ITGA9: variants seen among roughly 807,000 people sequenced by gnomAD.
The protein encoded by ITGA9 is integrin alpha-9.
Under a neutral mutation model 127.8 loss-of-function variants are expected in ITGA9, and 56 were observed. The ratio of observed to expected loss-of-function variants is 0.44; its 90% CI spans 0.35 to 0.55. ITGA9 has a LOEUF of 0.55. Among genes scored for constraint, ITGA9 ranks in the 20% least tolerant of loss-of-function variants. The probability of loss-of-function intolerance (pLI) is 0.00; values close to 1 mark genes in which losing one functional copy is unlikely to be tolerated. For missense variants in ITGA9, 1,196 were observed against 1,347.1 expected (o/e 0.89, Z 1.76); for synonymous variants, 508 against 514.5 (o/e 0.99, Z 0.17).
intron 18 of ITGA9, among the ~76,000 whole-genome samples, chr3:37,707,982 T>C (rs909178954): frequency 6.6e-5 from 10 of 152,150 alleles, no homozygotes; most frequent in African/African-American, 2.2e-4. Context: ...TCAAAGGTGT[T>C]CCCATTTGTT....
intron 1 of ITGA9, among the ~76,000 whole-genome samples, chr3:37,466,276 A>G (rs2125550384): frequency 6.6e-6 from 1 of 152,174 alleles, no homozygotes; most frequent in Middle Eastern, 3.4e-3. Flanking sequence ...TGAGGTCAGA[A>G]GTTCAAGACC....
At chr3:37,699,542 C>A (rs375937974) in intron 18 of ITGA9, among the ~76,000 whole-genome samples, 3 of 152,210 alleles carry the variant, frequency 2.0e-5, no homozygotes, top group African/African-American at 7.2e-5. Flanking sequence ...TCGTCTTTTG[C>A]CTCATTATTG....
At chr3:37,671,801 A>G (rs903028977) in intron 17 of ITGA9, among the ~76,000 whole-genome samples, 3 of 152,196 alleles carry the variant, frequency 2.0e-5, no homozygotes, top group African/African-American at 4.8e-5. Flanking sequence ...AGGGATTTCT[A>G]AAGCATGATG....
rs549749284 is a variant in ITGA9 at position 37,576,190 on chromosome 3, T to C, written c.1689+33605T>C. On this transcript the variant is annotated intron_variant, in intron 15 of 27. Transcript: ENST00000264741. ...CATCCTCCAGGGAGGACATAGCTGG[T>C]AATGACAAAATGTGGGCCAGCGCCT... Among the ~76,000 whole-genome samples the C allele has an allele frequency of 4.6e-5, 7 of 152,278 alleles. No homozygotes were observed. The South Asian group carries it at 1.2e-3, about 27-fold the overall frequency.
At chr3:37,562,809 G>C (rs549539225) in intron 15 of ITGA9, among the ~76,000 whole-genome samples, 1 of 152,266 alleles carries the variant, frequency 6.6e-6, no homozygotes, top group South Asian at 2.1e-4. Context: ...GGAGAAATGT[G>C]GCATGTGGCA....
chr3:37,565,024 C>T (rs1297357560), intron 15 of ITGA9, among the ~76,000 whole-genome samples: 1 of 152,212 alleles, frequency 6.6e-6, no homozygotes, highest in Non-Finnish European at 1.5e-5. Flanking sequence ...GCCTGTGGCT[C>T]TCCTGTAGTG....
intron 17 of ITGA9, among the ~76,000 whole-genome samples, chr3:37,654,906 T>A (rs1700463277): frequency 6.6e-6 from 1 of 151,898 alleles, no homozygotes; most frequent in Non-Finnish European, 1.5e-5. Context: ...TGTGTTGTCA[T>A]TGTTCAACTC....
rs946558649 is a variant in ITGA9, at chr3:37,491,668, G to A, written c.545-2833G>A. Among the ~76,000 whole-genome samples the A allele has an allele frequency of 2.9e-4, 44 of 152,136 alleles. 1 individual carries two copies. Among genetic ancestry groups the A allele is most frequent in the Admixed American group, 2.3e-3 (35 of 15,282 alleles). On this transcript the variant is annotated intron_variant, in intron 4 of 27. Transcript: ENST00000264741. Reference sequence around the variant, plus strand: ...GGGGCAGCCCCTTGCCTCTCTCTGCGCCTACCTCACTTCCCATAGCTTTGT... The same window carrying A: ...GGGGCAGCCCCTTGCCTCTCTCTGCACCTACCTCACTTCCCATAGCTTTGT...
At chr3:37,602,444 G>A (rs952607105) in intron 15 of ITGA9, among the ~76,000 whole-genome samples, 1 of 152,004 alleles carries the variant, frequency 6.6e-6, no homozygotes, top group Non-Finnish European at 1.5e-5. Context: ...ATACCAAAGA[G>A]CTAAAATACA....
chr3:37,548,752 G>A (rs990881915), intron 15 of ITGA9, among the ~76,000 whole-genome samples: 18 of 152,184 alleles, frequency 1.2e-4, no homozygotes, highest in Non-Finnish European at 2.9e-5. Flanking sequence ...GCTCTCTAAG[G>A]TGACCTTGGA....
At chr3:37,517,445 T>G in intron 9 of ITGA9, 59 bp from the exon 10 acceptor site, 1 of 1,267,012 alleles carries the variant, frequency 7.9e-7, no homozygotes, top group Non-Finnish European at 1.1e-6. Context: ...TTGATTTTTA[T>G]TGTTTGTTCT....
chr3:37,482,657 C>G (rs545556250), intron 4 of ITGA9, among the ~76,000 whole-genome samples: 2 of 152,270 alleles, frequency 1.3e-5, no homozygotes, highest in East Asian at 3.9e-4. Flanking sequence ...ATGAGAAACA[C>G]TATATGGACA....
At chr3:37,735,805 A>C (rs1696353614) in intron 19 of ITGA9, among the ~76,000 whole-genome samples, 1 of 152,194 alleles carries the variant, frequency 6.6e-6, no homozygotes, top group Non-Finnish European at 1.5e-5. Context: ...ATGGTTCATG[A>C]AATTATCGTG....
intron 8 of ITGA9, among the ~76,000 whole-genome samples, chr3:37,513,029 C>T (rs1375217651): frequency 2.0e-5 from 3 of 152,186 alleles, no homozygotes; most frequent in Non-Finnish European, 4.4e-5. Context: ...CAGCTCATGC[C>T]TTCCTAACCA....
intron 4 of ITGA9, among the ~76,000 whole-genome samples, chr3:37,490,557 T>G (rs992470171): frequency 6.6e-6 from 1 of 152,228 alleles, no homozygotes; most frequent in African/African-American, 2.4e-5. Context: ...ATATATGTTA[T>G]GCTGTATGTG....
At chr3:37,797,238 G>T (rs904583945) in intron 26 of ITGA9, among the ~76,000 whole-genome samples, 4 of 152,090 alleles carry the variant, frequency 2.6e-5, no homozygotes, top group African/African-American at 9.7e-5. Flanking sequence ...AGGCTGAGGT[G>T]GGAGAATCAC....
intron 16 of ITGA9, among the ~76,000 whole-genome samples, chr3:37,640,858 G>A (rs1014575827): frequency 2.0e-5 from 3 of 152,178 alleles, no homozygotes; most frequent in Non-Finnish European, 2.9e-5. Context: ...CCTGCCTCTG[G>A]GTGGTGGTGG....
Position 37,653,777 on chromosome 3 carries a change from C to T in ITGA9, c.1903C>T (p.Leu635=). ...CGCAGACCTGCAGCTTCAGGGTAAA[C>T]TGCTGCTCTCCAGGTATGTCGGTGT... ...CAADLQLQGK[L]LLSSMDEKTL... is the part of the protein sequence containing the mutation. Residue 635 remains leucine, a synonymous_variant, in exon 17 of 28, where the codon CTG becomes TTG. Transcript: ENST00000264741. 6.2e-7 allele frequency: 1 copy of T among 1,612,970 alleles called. No homozygotes were observed. Among genetic ancestry groups the T allele is most frequent in the South Asian group, 1.1e-5 (1 of 91,060 alleles).
chr3:37,622,757 A>G (rs2125632174), intron 15 of ITGA9, among the ~76,000 whole-genome samples: 1 of 152,156 alleles, frequency 6.6e-6, no homozygotes, highest in South Asian at 2.1e-4. Flanking sequence ...GGGCAGGAGA[A>G]TCACTTGAAC....
Sources: gnomAD v4.1 joint callset for allele counts (sites outside exome capture counted in the v4.1 genomes callset) on GRCh38, gnomAD v4.1.1 for gene constraint, MANE v1.5 for transcripts, NCBI Gene and HGNC (gene_info 2026-07-23, HGNC 2026-07-21) for gene names.